UGT1A3: variants seen among roughly 807,000 people sequenced by gnomAD.
The protein encoded by UGT1A3 is UDP glucuronosyltransferase family 1 member A3, also known as UDP-glucuronosyltransferase 1A3.
UGT1A3 carries 31 observed loss-of-function variants against 41.0 expected under a neutral mutation model. The observed-to-expected ratio is 0.76, with a 90% CI of 0.57 to 1.02. UGT1A3 has a LOEUF of 1.02. Ranked by LOEUF, UGT1A3 falls within the 50% of genes least tolerant of loss-of-function variation. UGT1A3 has a pLI of 0.00. For missense variants in UGT1A3, 737 were observed against 671.0 expected, an observed-to-expected ratio of 1.10 and a Z score of -1.09; for synonymous variants, 262 against 257.6, an observed-to-expected ratio of 1.02 and a Z score of -0.17.
At chr2:233,745,974 G>A (rs1693271191) in intron 1 of UGT1A3, among the ~76,000 whole-genome samples, 1 of 151,654 alleles carries the variant, frequency 6.6e-6, no homozygotes, top group Non-Finnish European at 1.5e-5. Flanking sequence ...CCCTGAAATG[G>A]GACCATGACA....
intron 1 of UGT1A3, among the ~76,000 whole-genome samples, chr2:233,749,879 T>C (rs965424457): frequency 2.6e-5 from 4 of 151,958 alleles, no homozygotes; most frequent in African/African-American, 9.7e-5. Flanking sequence ...ATTATAAGTT[T>C]CCTGAGGCTC....
In UGT1A3 at chr2:233,760,344, G is replaced by A. The variant is rs897355036; in HGVS notation, c.868-6690G>A. The stretch of plus-strand genomic sequence containing the variant: ...TTGTCCTGGGCCTGCTGCTGTGTGT[G>A]CTGGGCCCAGTGGTGTCCCATGCTG... On this transcript the variant is annotated intron_variant, in intron 1 of 4. Transcript: ENST00000482026. 5.6e-6 allele frequency: 9 copies of A among 1,613,914 alleles called. No homozygotes were observed. The Admixed American group carries it at 1.3e-4, about 24-fold the overall frequency.
intron 1 of UGT1A3, 125 bp downstream of exon 1, chr2:233,730,118 T>A (rs1380920361): frequency 6.0e-5 from 93 of 1,555,792 alleles, no homozygotes; most frequent in Non-Finnish European, 7.7e-5. Context: ...CTTCTCCTTG[T>A]CATAATAGCC....
chr2:233,742,052 G>C (rs146940550), intron 1 of UGT1A3: 14 of 152,060 alleles, frequency 9.2e-5, no homozygotes, highest in African/African-American at 3.4e-4. Context: ...CAATAGGATA[G>C]TTCTGTGTGG....
At chr2:233,743,457 A>C in intron 1 of UGT1A3, 1 of 1,366,076 alleles carries the variant, frequency 7.3e-7, no homozygotes. Context: ...AAGAAGAAAA[A>C]ACACCCCCAA....
At chr2:233,740,454 A>T (rs1319736893) in intron 1 of UGT1A3, among the ~76,000 whole-genome samples, 4 of 151,980 alleles carry the variant, frequency 2.6e-5, no homozygotes, top group Admixed American at 2.0e-4. Flanking sequence ...GAGGAGAAGA[A>T]GATGATGGAC....
At chr2:233,751,162 T>C (rs1694655523) in intron 1 of UGT1A3, among the ~76,000 whole-genome samples, 1 of 151,980 alleles carries the variant, frequency 6.6e-6, no homozygotes, top group South Asian at 2.1e-4. Flanking sequence ...GGCATCAGCA[T>C]GACCTAGATA....
In UGT1A3 at chr2:233,772,133, A is replaced by G. The variant is rs1203476934; in HGVS notation, c.1308-129A>G. ...GTATCTAAAAACAACAACAACAACA[A>G]TAATAGAAACAGGTTTCCTTTCCCA... On this transcript the variant is annotated intron_variant, in intron 4 of 4. Coordinates refer to ENST00000482026, the MANE Select transcript of UGT1A3 (RefSeq NM_019093.4). 1.9e-6 allele frequency: 3 copies of G among 1,545,744 alleles called. No homozygotes were observed. In the East Asian group the frequency reaches 7.3e-5, roughly 38 times the overall value.
At chr2:233,766,358 C>G (rs1222221070) in intron 1 of UGT1A3, among the ~76,000 whole-genome samples, 1 of 152,148 alleles carries the variant, frequency 6.6e-6, no homozygotes, top group Non-Finnish European at 1.5e-5. Context: ...CTGCCGGTGC[C>G]TGTTGGTGAG....
intron 1 of UGT1A3, among the ~76,000 whole-genome samples, chr2:233,744,790 T>C (rs989648069): frequency 6.6e-5 from 10 of 152,048 alleles, no homozygotes; most frequent in Admixed American, 2.6e-4. Flanking sequence ...TGAAAAATTC[T>C]TGGGGATCCC....
In UGT1A3 at chr2:233,768,530, C is replaced by T. The variant is rs181512709; in HGVS notation, c.1307+91C>T. On this transcript the variant is annotated intron_variant, in intron 4 of 4. Transcript: ENST00000482026. ...AAAACATTTACGTAGCATTTAATAG[C>T]GTTGTTTCAAATATAAAAACAAATA... 249 of 1,496,408 alleles carry T rather than the reference C, an allele frequency of 1.7e-4. No homozygotes were observed. In the African/African-American group the frequency reaches 3.2e-3, roughly 19 times the overall value. The allele number at this position is 1,496,408 out of a possible 1,614,324, so 92.7% of individuals were successfully genotyped here. A position where few individuals can be genotyped will look rare whatever the true frequency, so the allele number is the denominator to read the frequency against.
Position 233,769,718 on chromosome 2 carries a change from C to A in UGT1A3, c.1307+1279C>A. On this transcript the variant is annotated intron_variant, in intron 4 of 4. Coordinates refer to ENST00000482026, the MANE Select transcript of UGT1A3 (RefSeq NM_019093.4). The surrounding 1 kb of genome is among the most constrained non-coding windows in gnomAD (Gnocchi z 4.4). Reference sequence around the variant, plus strand: ...TAAAAGATCAATGTTGGCTAGGCACCATGGCACACGCCTGTAGTCCCAGCC... The same window carrying A: ...TAAAAGATCAATGTTGGCTAGGCACAATGGCACACGCCTGTAGTCCCAGCC... 6.7e-7 allele frequency: 1 copy of A among 1,492,462 alleles called. No individual in the cohort carries two copies. Among genetic ancestry groups the A allele is most frequent in the Non-Finnish European group, 8.9e-7 (1 of 1,119,524 alleles). The allele number at this position is 1,492,462 out of a possible 1,614,324, so 92.5% of individuals were successfully genotyped here.
Position 233,768,319 on chromosome 2 carries a change from G to C in UGT1A3, c.1187G>C (p.Gly396Ala), listed in dbSNP as rs367897068. The C allele has an allele frequency of 1.4e-5, 23 of 1,614,162 alleles. No individual in the cohort carries two copies. In the South Asian group the frequency reaches 2.2e-4, roughly 15 times the overall value. ...CCCATGGTGATGATGCCCTTGTTTG[G>C]TGATCAGATGGACAATGCAAAGCGC... is the stretch of plus-strand genomic sequence containing the variant. ...GVPMVMMPLF[G>A]DQMDNAKRME... The change falls in exon 4 of 5, where the codon GGT (glycine) becomes GCT (alanine). Residue 396 changes from glycine to alanine, a missense_variant. Transcript: ENST00000482026.
chr2:233,747,428 G>T (rs1427040404), intron 1 of UGT1A3: 12 of 1,608,630 alleles, frequency 7.5e-6, no homozygotes, highest in South Asian at 6.6e-5. Context: ...TCAAACAAGA[G>T]AAATTTTTCA....
rs1043133002 is a variant in UGT1A3, at chr2:233,769,410, C to T, written c.1307+971C>T. On this transcript the variant is annotated intron_variant, in intron 4 of 4. Transcript: ENST00000482026. This position sits in a 1 kb window ranked among gnomAD's most constrained non-coding sequence, Gnocchi z 4.4. ...GATACTGTGTGCATATGTGCGTGTG[C>T]GTTTGTGCATGTGGCTGTGCTCATG... is the stretch of plus-strand genomic sequence containing the variant. 3.7e-5 allele frequency: 49 copies of T among 1,332,922 alleles called. No homozygotes were observed. The highest frequency in any genetic ancestry group is 1.1e-4 in the Admixed American group (6 of 53,448). The allele number at this position is 1,332,922 out of a possible 1,614,324, so 82.6% of individuals were successfully genotyped here.
intron 1 of UGT1A3, chr2:233,760,277 G>T: frequency 6.2e-7 from 1 of 1,612,686 alleles, no homozygotes. Context: ...TCTGGCAGGA[G>T]CAAAGGCGCC....
chr2:233,743,668 G>A (rs898129248), intron 1 of UGT1A3: 18 of 1,367,120 alleles, frequency 1.3e-5, no homozygotes, highest in African/African-American at 4.5e-5. Flanking sequence ...AGGGGTCCTC[G>A]AAGGGCCTGC....
At chr2:233,764,548 G>A (rs1431186890) in intron 1 of UGT1A3, among the ~76,000 whole-genome samples, 1 of 152,168 alleles carries the variant, frequency 6.6e-6, no homozygotes, top group African/African-American at 2.4e-5. Context: ...TGGGCGTGTG[G>A]GAGGGTGTGC....
chr2:233,772,026 TG>T lies in UGT1A3; in HGVS notation c.1308-234del, dbSNP rs35071442. On this transcript the variant is annotated intron_variant, in intron 4 of 4. Transcript: ENST00000482026. Reference sequence around the variant, plus strand: ...TACTCTGGAGGCTGAGGCAGGAGGATGGCTTGAGCCCAGGAGTTGGAGGCTG... The same window carrying T: ...TACTCTGGAGGCTGAGGCAGGAGGATGCTTGAGCCCAGGAGTTGGAGGCTG... 2.7e-3 allele frequency among the ~76,000 whole-genome samples: 414 copies of T among 152,300 alleles called. 2 individuals carry two copies. Among genetic ancestry groups the T allele is most frequent in the African/African-American group, 9.1e-3 (379 of 41,546 alleles).
Sources: allele counts gnomAD v4.1 joint callset (sites outside exome capture counted in the v4.1 genomes callset), GRCh38; gene constraint gnomAD v4.1.1; non-coding constraint Gnocchi (gnomAD v3.1); transcripts MANE v1.5; gene names NCBI Gene and HGNC (gene_info 2026-07-23, HGNC 2026-07-21).